Variants in CLYBL observed in about 807,000 individuals in gnomAD.
CLYBL encodes citramalyl-CoA lyase, mitochondrial.
Under a neutral mutation model 38.9 loss-of-function variants are expected in CLYBL, and 31 were observed. That is an observed-to-expected ratio of 0.80 (90% CI 0.60 to 1.08). The LOEUF is 1.08. Among genes scored for constraint, CLYBL ranks in the 50% least tolerant of loss-of-function variants. The pLI, the probability that CLYBL is intolerant of heterozygous loss-of-function variation, is 0.00. For synonymous variants in CLYBL, 171 were observed against 158.6 expected, an observed-to-expected ratio of 1.08 and a Z score of -0.59; for missense variants, 434 against 411.6, an observed-to-expected ratio of 1.05 and a Z score of -0.47.
At chr13:99,669,538 A>G (rs2047534153) in intron 1 of CLYBL, among the ~76,000 whole-genome samples, 1 of 152,240 alleles carries the variant, frequency 6.6e-6, no homozygotes. Flanking sequence ...TTTCCCAAAT[A>G]GGAAATGGAG....
At chr13:99,878,849 G>T (rs550045874) in intron 7 of CLYBL, among the ~76,000 whole-genome samples, 1 of 152,244 alleles carries the variant, frequency 6.6e-6, no homozygotes, top group African/African-American at 2.4e-5. Flanking sequence ...GCCTACTCTT[G>T]CCTGATTATT....
intron 1 of CLYBL, among the ~76,000 whole-genome samples, chr13:99,647,461 G>A (rs2047194337): frequency 6.7e-6 from 1 of 149,888 alleles, no homozygotes; most frequent in Non-Finnish European, 1.5e-5. Context: ...ACTCCATAGT[G>A]GGAAGAACTT....
At chr13:99,745,560 A>G (rs4772236) in intron 1 of CLYBL, among the ~76,000 whole-genome samples, 54,763 of 152,098 alleles carry the variant, frequency 0.36, 10,377 homozygotes, top group South Asian at 0.48. Context: ...CACATTAAAC[A>G]TACTTCAAAA....
chr13:99,866,533 G>A, intron 6 of CLYBL, 126 bp downstream of exon 6: 1 of 757,292 alleles, frequency 1.3e-6, no homozygotes, highest in Non-Finnish European at 2.0e-6. Flanking sequence ...TTTGAAATAT[G>A]AGCAAGTCAC....
intron 1 of CLYBL, among the ~76,000 whole-genome samples, chr13:99,746,812 A>G (rs1447671156): frequency 1.3e-5 from 2 of 152,170 alleles, no homozygotes; most frequent in Non-Finnish European, 2.9e-5. Context: ...CCATCTATCA[A>G]ATCTCTTTGG....
At chr13:99,764,792 G>A (rs2049235079) in intron 1 of CLYBL, among the ~76,000 whole-genome samples, 1 of 151,420 alleles carries the variant, frequency 6.6e-6, no homozygotes, top group African/African-American at 2.4e-5. Context: ...TCCTCCTCCT[G>A]CCTCAGCCTC....
Position 99,833,013 on chromosome 13 carries a change from TATATATATATATATATA to T in CLYBL, c.250-25847_250-25831del, listed in dbSNP as rs1566345701. 4.3e-4 allele frequency among the ~76,000 whole-genome samples: 14 copies of T among 32,418 alleles called. No homozygotes were observed. In the East Asian group the frequency reaches 8.5e-3, roughly 20 times the overall value. 21.3% of individuals were successfully genotyped at this position (32,418 alleles called of 152,430 possible). A position where few individuals can be genotyped will look rare whatever the true frequency, so the allele number is the denominator to read the frequency against. On this transcript the variant is annotated intron_variant, in intron 2 of 8. Coordinates refer to ENST00000339105, the MANE Select transcript of CLYBL (RefSeq NM_206808.5). ...GTATATACATACATACATACATATA[TATATATATATATATATA>T]TTTTTTTTTTTTTTTTTTTTTTTTT...
chr13:99,780,598 G>C (rs2049622650), intron 2 of CLYBL, among the ~76,000 whole-genome samples: 1 of 151,650 alleles, frequency 6.6e-6, no homozygotes, highest in Admixed American at 6.6e-5. Context: ...TGATGGTCCG[G>C]ATCTCCTGAC....
chr13:99,862,122 C>G (rs970639642), intron 3 of CLYBL, among the ~76,000 whole-genome samples: 1 of 152,122 alleles, frequency 6.6e-6, no homozygotes, highest in Non-Finnish European at 1.5e-5. Flanking sequence ...ATTCCCTTTT[C>G]CTTTGATATC....
At chr13:99,657,005 A>G (rs899125531) in intron 1 of CLYBL, among the ~76,000 whole-genome samples, 1 of 152,202 alleles carries the variant, frequency 6.6e-6, no homozygotes, top group Non-Finnish European at 1.5e-5. Flanking sequence ...TAATTTCTAT[A>G]TGTCAACTAA....
intron 2 of CLYBL, among the ~76,000 whole-genome samples, chr13:99,774,904 G>A (rs1015795769): frequency 6.6e-6 from 1 of 152,128 alleles, no homozygotes; most frequent in Non-Finnish European, 1.5e-5. Context: ...TCCAAGATTC[G>A]ATGCTAACTT....
intron 1 of CLYBL, among the ~76,000 whole-genome samples, chr13:99,757,689 C>T (rs1471989973): frequency 6.6e-6 from 1 of 152,194 alleles, no homozygotes; most frequent in Non-Finnish European, 1.5e-5. Context: ...AAACTCCTGA[C>T]CTCAGGTGAT....
At chr13:99,847,551 C>T (rs551811232) in intron 2 of CLYBL, among the ~76,000 whole-genome samples, 1 of 152,296 alleles carries the variant, frequency 6.6e-6, no homozygotes, top group South Asian at 2.1e-4. Context: ...TCACTGAGCC[C>T]GGGCTAAGCG....
chr13:99,730,109 G>A (rs1309635609), intron 1 of CLYBL, among the ~76,000 whole-genome samples: 1 of 148,478 alleles, frequency 6.7e-6, no homozygotes, highest in Non-Finnish European at 1.5e-5. Context: ...CTGGCTGGAG[G>A]ATGGCTGGCC....
Position 99,865,956 on chromosome 13 carries a change from C to G in CLYBL, c.635-284C>G, listed in dbSNP as rs1248747935. Reference sequence around the variant, plus strand: ...AAGGAAAAAAATATATCAGGAGTCCCTTGCGACCCTGACCCAGCCTCCCAG... The same window carrying G: ...AAGGAAAAAAATATATCAGGAGTCCGTTGCGACCCTGACCCAGCCTCCCAG... On this transcript the variant is annotated intron_variant, in intron 5 of 8. Transcript: ENST00000339105. This position sits in a 1 kb window ranked among gnomAD's most constrained non-coding sequence, Gnocchi z 4.7. 6.6e-6 allele frequency among the ~76,000 whole-genome samples: 1 copy of G among 152,184 alleles called. No homozygotes were observed. The highest frequency in any genetic ancestry group is 1.9e-4 in the East Asian group (1 of 5,184).
chr13:99,834,864 A>G (rs2050898982), intron 2 of CLYBL, among the ~76,000 whole-genome samples: 2 of 152,174 alleles, frequency 1.3e-5, no homozygotes, highest in South Asian at 2.1e-4. Flanking sequence ...TTATTGTTCA[A>G]TTGGTTCAGA....
At chr13:99,792,454 G>A (rs886891213) in intron 2 of CLYBL, among the ~76,000 whole-genome samples, 2 of 152,178 alleles carry the variant, frequency 1.3e-5, no homozygotes, top group African/African-American at 2.4e-5. Flanking sequence ...TGCTCCACGT[G>A]GCAGAGTACT....
chr13:99,766,039 A>G (rs1335121331), intron 1 of CLYBL, among the ~76,000 whole-genome samples: 4 of 151,376 alleles, frequency 2.6e-5, no homozygotes, highest in African/African-American at 9.7e-5. Flanking sequence ...TTTTGTAGAG[A>G]GGGGGGTCTC....
intron 1 of CLYBL, among the ~76,000 whole-genome samples, chr13:99,628,985 G>A (rs529123594): frequency 1.3e-5 from 2 of 152,316 alleles, no homozygotes; most frequent in East Asian, 3.9e-4. Flanking sequence ...GCTAATGTAG[G>A]GTGTTTTCAC....
Sources: gnomAD v4.1 joint callset for allele counts (sites outside exome capture counted in the v4.1 genomes callset) on GRCh38, gnomAD v4.1.1 for gene constraint, Gnocchi (gnomAD v3.1) non-coding constraint, MANE v1.5 for transcripts, NCBI Gene and HGNC (gene_info 2026-07-23, HGNC 2026-07-21) for gene names.